Variants in AVEN observed in about 807,000 individuals in gnomAD.
AVEN encodes cell death regulator Aven.
AVEN carries 41 observed loss-of-function variants against 38.1 expected under a neutral mutation model. The ratio of observed to expected loss-of-function variants is 1.08; its 90% CI spans 0.84 to 1.40. The LOEUF is 1.40. Among genes scored for constraint, AVEN ranks in the 40% most tolerant of loss-of-function variants. The probability of loss-of-function intolerance (pLI) is 0.00; values close to 1 mark genes in which losing one functional copy is unlikely to be tolerated. For missense variants in AVEN, 605 were observed against 438.8 expected (o/e 1.38, Z -3.38); for synonymous variants, 206 against 171.8 (o/e 1.20, Z -1.56).
At chr15:34,044,586 G>T (rs1444657444) in intron 5 of AVEN, among the ~76,000 whole-genome samples, 1 of 151,876 alleles carries the variant, frequency 6.6e-6, no homozygotes, top group Non-Finnish European at 1.5e-5. Context: ...CATAGAAAAT[G>T]GTAATATTTT....
chr15:34,038,655 G>GGCGCCA (rs1899283528), intron 1 of AVEN, 125 bp downstream of exon 1: 1 of 897,964 alleles, frequency 1.1e-6, no homozygotes, highest in Non-Finnish European at 1.4e-6. Flanking sequence ...GTCCCGCGCA[G>GGCGCCA]GCGCCGGCGC....
intron 5 of AVEN, among the ~76,000 whole-genome samples, chr15:34,059,961 C>T (rs544638059): frequency 9.9e-4 from 150 of 152,020 alleles, no homozygotes; most frequent in African/African-American, 3.5e-3. Context: ...AATAAACATT[C>T]AAATATTTAA....
At chr15:34,043,225 C>T (rs1171322977), upstream of AVEN, among the ~76,000 whole-genome samples, 6 of 149,194 alleles carry the variant, frequency 4.0e-5, no homozygotes, top group African/African-American at 1.5e-4. Flanking sequence ...CCAGCCTGGG[C>T]GACCGAGCAA....
chr15:34,047,616 C>T (rs486845), intron 5 of AVEN, among the ~76,000 whole-genome samples: 145,432 of 152,246 alleles, frequency 0.96, 69,663 homozygotes, highest in East Asian at 1. Flanking sequence ...ATGACTGTTA[C>T]CTCTGTGGTT....
chr15:33,866,713 G>A lies in AVEN; in HGVS notation c.989C>T (p.Ser330Phe). 1 of 1,613,696 alleles carries A rather than the reference G, an allele frequency of 6.2e-7. No homozygotes were observed. Among genetic ancestry groups the A allele is most frequent in the Non-Finnish European group, 8.5e-7 (1 of 1,179,702 alleles). ...VQEEEVCAKPSVTEEKNMEPE... is the reference protein window; with the variant it reads ...VQEEEVCAKPFVTEEKNMEPE... Reference sequence around the variant, plus strand: ...TTCCATGTTTTTTTCTTCAGTCACAGATGGTTTTGCACAAACTGGGGGAAA... The same window carrying A: ...TTCCATGTTTTTTTCTTCAGTCACAAATGGTTTTGCACAAACTGGGGGAAA... The change falls in exon 6 of 6, where the codon TCT (serine) becomes TTT (phenylalanine). Residue 330 changes from serine to phenylalanine, a missense_variant. Transcript: ENST00000306730.
chr15:33,865,018 T>TCATATAAATTCACATCAGTCTTC, downstream of AVEN: 1 of 716,456 alleles, frequency 1.4e-6, no homozygotes, highest in African/African-American at 1.8e-5. Flanking sequence ...AGGTTTGGCC[T>TCATATAAATTCACATCAGTCTTC]CATATAAATT....
At chr15:33,877,170 G>C (rs887448208) in intron 2 of AVEN, among the ~76,000 whole-genome samples, 1 of 151,972 alleles carries the variant, frequency 6.6e-6, no homozygotes, top group African/African-American at 2.4e-5. Flanking sequence ...CTGAGGAAAA[G>C]AACCAACAGA....
At chr15:34,073,142 G>T (rs1459163692) in intron 1 of AVEN, among the ~76,000 whole-genome samples, 1 of 149,082 alleles carries the variant, frequency 6.7e-6, no homozygotes, top group Non-Finnish European at 1.5e-5. Context: ...CCGGGTTCAC[G>T]CCATTCTCCT....
At chr15:34,051,667 G>C (rs1199869447) in intron 5 of AVEN, among the ~76,000 whole-genome samples, 1 of 152,008 alleles carries the variant, frequency 6.6e-6, no homozygotes. Flanking sequence ...AATCACCATT[G>C]ACCCCACAGA....
At chr15:33,911,741 C>A (rs1273867913) in intron 2 of AVEN, among the ~76,000 whole-genome samples, 3 of 152,104 alleles carry the variant, frequency 2.0e-5, no homozygotes, top group African/African-American at 7.2e-5. Flanking sequence ...ATTTGTCTAA[C>A]TGGCAATATA....
chr15:34,047,377 GAGACCT>G (rs1442183967), intron 5 of AVEN, among the ~76,000 whole-genome samples: 1 of 151,964 alleles, frequency 6.6e-6, no homozygotes, highest in Non-Finnish European at 1.5e-5. Context: ...GTGCCCGGCG[GAGACCT>G]AGCAGTTTTA....
At chr15:33,857,118 C>G (rs771475454), downstream of AVEN, among the ~76,000 whole-genome samples, 9 of 152,212 alleles carry the variant, frequency 5.9e-5, no homozygotes, top group Non-Finnish European at 8.8e-5. Flanking sequence ...TACGCCCAAT[C>G]TAATGCCCTA....
intron 2 of AVEN, among the ~76,000 whole-genome samples, chr15:33,944,689 G>T (rs560945304): frequency 5.5e-4 from 84 of 152,008 alleles, no homozygotes; most frequent in Middle Eastern, 3.4e-3. Flanking sequence ...GGCGCCTGTA[G>T]TCCCAGCTAC....
At chr15:34,073,807 C>G (rs190453426) in intron 1 of AVEN, among the ~76,000 whole-genome samples, 1 of 151,852 alleles carries the variant, frequency 6.6e-6, no homozygotes, top group African/African-American at 2.4e-5. Flanking sequence ...AGGCGTGAGT[C>G]ACTGCACCTA....
chr15:33,898,750 A>G (rs540522479), intron 2 of AVEN, among the ~76,000 whole-genome samples: 2 of 152,332 alleles, frequency 1.3e-5, no homozygotes, highest in African/African-American at 2.4e-5. Flanking sequence ...GGAGGGCACA[A>G]TTCAACCCAC....
At chr15:34,019,716 A>C (rs1898119300) in intron 1 of AVEN, among the ~76,000 whole-genome samples, 1 of 152,228 alleles carries the variant, frequency 6.6e-6, no homozygotes, top group Non-Finnish European at 1.5e-5. Flanking sequence ...GTACCGTAAC[A>C]TGCTGTACAG....
In AVEN at chr15:33,867,677, G is replaced by T; in HGVS notation, c.791C>A (p.Pro264His). 6.2e-7 allele frequency: 1 copy of T among 1,614,194 alleles called. No homozygotes were observed. The highest frequency in any genetic ancestry group is 8.5e-7 in the Non-Finnish European group (1 of 1,180,036). ...AGTGGGTTTCTGAGAATCCCTTGAAGGACCCGGGCTTGGGTTGTCTTTGCC... is the reference window on the plus strand; with the variant it reads ...AGTGGGTTTCTGAGAATCCCTTGAATGACCCGGGCTTGGGTTGTCTTTGCC... ...LLGKDNPSPG[P>H]SRDSQKPTSP... Residue 264 changes from proline to histidine, a missense_variant, in exon 5 of 6, where the codon CCT becomes CAT. By Grantham distance (77) the Pro-to-His change is moderately conservative. Coordinates refer to ENST00000306730, the MANE Select transcript of AVEN (RefSeq NM_020371.3).
At chr15:33,995,915 T>C (rs987369982) in intron 2 of AVEN, among the ~76,000 whole-genome samples, 1 of 152,248 alleles carries the variant, frequency 6.6e-6, no homozygotes, top group Non-Finnish European at 1.5e-5. Context: ...TCAGGGGATT[T>C]CCCTTTCCTA....
intron 2 of AVEN, chr15:34,067,566 G>A (rs764390382): frequency 2.6e-5 from 4 of 152,192 alleles, no homozygotes; most frequent in Non-Finnish European, 4.4e-5. Context: ...GGCCTTTCAA[G>A]AAAGTTGGGA....
Sources: gnomAD v4.1 joint callset for allele counts (sites outside exome capture counted in the v4.1 genomes callset) on GRCh38, gnomAD v4.1.1 for gene constraint, MANE v1.5 for transcripts, NCBI Gene and HGNC (gene_info 2026-07-23, HGNC 2026-07-21) for gene names.